RUNX1T1: variants seen among roughly 807,000 people sequenced by gnomAD.
RUNX1T1 encodes protein CBFA2T1.
A neutral mutation model predicts 62.8 loss-of-function variants in RUNX1T1; 4 were observed. The ratio of observed to expected loss-of-function variants is 0.06; its 90% confidence interval spans 0.03 to 0.15. RUNX1T1 has a LOEUF of 0.15. Among genes scored for constraint, RUNX1T1 ranks in the 10% least tolerant of loss-of-function variants. The pLI is 1.00. For synonymous variants in RUNX1T1, 291 were observed against 286.0 expected (o/e 1.02, Z -0.18); for missense variants, 508 against 754.3 (o/e 0.67, Z 3.82).
intron 1 of RUNX1T1, among the ~76,000 whole-genome samples, chr8:92,030,901 C>A (rs761321567): frequency 6.6e-5 from 10 of 152,222 alleles, no homozygotes; most frequent in Non-Finnish European, 7.3e-5. Context: ...GTGTCCATAT[C>A]TCCAAGGAAG....
At chr8:91,958,342 T>G (rs988010670), downstream of RUNX1T1, 1 of 195,392 alleles carries the variant, frequency 5.1e-6, no homozygotes, top group African/African-American at 2.3e-5. Context: ...TTGCTGAACA[T>G]GTTTAACCTG....
chr8:92,042,119 C>G (rs1467798080), intron 1 of RUNX1T1, among the ~76,000 whole-genome samples: 1 of 150,852 alleles, frequency 6.6e-6, no homozygotes, highest in Non-Finnish European at 1.5e-5. Context: ...TGTGCCTGGC[C>G]TGAAGGGGTG....
At chr8:92,021,328 A>G (rs1405544667) in intron 1 of RUNX1T1, among the ~76,000 whole-genome samples, 5 of 152,182 alleles carry the variant, frequency 3.3e-5, no homozygotes, top group African/African-American at 1.2e-4. Context: ...AAATGATGCT[A>G]TGTAGTGACT....
chr8:92,062,520 G>A (rs1316674986), intron 1 of RUNX1T1: 5 of 1,611,358 alleles, frequency 3.1e-6, no homozygotes, highest in Non-Finnish European at 4.2e-6. Flanking sequence ...GAAAAACAGA[G>A]AGAACACAGA....
At position 91,960,142 on chromosome 8, in the gene RUNX1T1, TAAAC is replaced by T. The variant is rs1295718097; in HGVS notation, c.*96_*99del. 44 of 1,245,028 alleles carry T rather than the reference TAAAC, an allele frequency of 3.5e-5. 1 individual carries two copies. The South Asian group carries it at 4.0e-4, about 11-fold the overall frequency. The allele number at this position is 1,245,028 out of a possible 1,614,324, so 77.1% of individuals were successfully genotyped here. ...TACTGAAATAGGATAATTCATCTAA[TAAAC>T]AAACAAACAAAAAAAACAACTTTGA... On this transcript the variant is annotated 3_prime_UTR_variant, in exon 11 of 11. Transcript: ENST00000396218.
chr8:92,079,605 A>C lies in RUNX1T1; in HGVS notation c.-85-3468T>G, dbSNP rs576175009. 7.9e-5 allele frequency among the ~76,000 whole-genome samples: 12 copies of C among 152,258 alleles called. No individual in the cohort carries two copies. The South Asian group carries it at 2.3e-3, about 29-fold the overall frequency. On this transcript the variant is annotated intron_variant, in intron 1 of 11. Coordinates refer to the RUNX1T1 transcript ENST00000265814. ...TTATCCTAGTTTCACAAGCTTCCTT[A>C]AGCTTCCATGCATACACTCATCCAG...
At chr8:92,062,679 T>A in exon 1 of RUNX1T1, 2 of 1,612,978 alleles carry the variant, frequency 1.2e-6, no homozygotes, top group Non-Finnish European at 1.7e-6. Flanking sequence ...TGGGGCGGCA[T>A]CGCCGGAGGC....
intron 1 of RUNX1T1, among the ~76,000 whole-genome samples, chr8:92,086,797 T>C (rs949833045): frequency 1.6e-4 from 25 of 152,222 alleles, no homozygotes; most frequent in African/African-American, 5.8e-4. Flanking sequence ...GTGCTAATTA[T>C]TTTTCCTTTG....
intron 1 of RUNX1T1, among the ~76,000 whole-genome samples, chr8:92,093,573 T>A (rs562095349): frequency 6.6e-6 from 1 of 152,346 alleles, no homozygotes; most frequent in African/African-American, 2.4e-5. Flanking sequence ...GCCTTTTGGC[T>A]AAGATCAAGT....
chr8:92,005,077 A>G, intron 5 of RUNX1T1, 39 bp downstream of exon 6: 1 of 1,538,222 alleles, frequency 6.5e-7, no homozygotes, highest in Non-Finnish European at 8.8e-7. Context: ...AGGTATGGGA[A>G]AAAGGTCATG....
intron 6 of RUNX1T1, among the ~76,000 whole-genome samples, chr8:91,988,893 T>C (rs1256582567): frequency 6.6e-6 from 1 of 152,182 alleles, no homozygotes; most frequent in Non-Finnish European, 1.5e-5. Context: ...TTGTTAGATA[T>C]AATCAAATCT....
At chr8:92,065,803 T>C (rs550686398), upstream of RUNX1T1, among the ~76,000 whole-genome samples, 1 of 152,272 alleles carries the variant, frequency 6.6e-6, no homozygotes, top group African/African-American at 2.4e-5. Flanking sequence ...TTTCCACAGG[T>C]CTTCTCAACT....
At chr8:92,072,429 G>A (rs1833825664) in intron 2 of RUNX1T1, among the ~76,000 whole-genome samples, 1 of 151,964 alleles carries the variant, frequency 6.6e-6, no homozygotes, top group Non-Finnish European at 1.5e-5. Context: ...TAAGAAAGTG[G>A]TATATTTATA....
chr8:92,072,868 T>G (rs1563902367), intron 2 of RUNX1T1, among the ~76,000 whole-genome samples: 2 of 152,208 alleles, frequency 1.3e-5, no homozygotes, highest in Admixed American at 1.3e-4. Flanking sequence ...TATATAAAGG[T>G]GCACAGCATC....
chr8:92,039,568 AATG>A (rs1828050801), intron 1 of RUNX1T1, among the ~76,000 whole-genome samples: 1 of 152,138 alleles, frequency 6.6e-6, no homozygotes, highest in African/African-American at 2.4e-5. Context: ...AGTGACTCCA[AATG>A]ATGATTTTTC....
chr8:92,071,803 A>G (rs1833719575), intron 2 of RUNX1T1, among the ~76,000 whole-genome samples: 1 of 152,166 alleles, frequency 6.6e-6, no homozygotes, highest in Non-Finnish European at 1.5e-5. Context: ...CTGACCCCGA[A>G]GCTGCGGCTC....
chr8:92,054,365 A>G (rs1037210542), intron 1 of RUNX1T1, among the ~76,000 whole-genome samples: 3 of 152,334 alleles, frequency 2.0e-5, no homozygotes, highest in South Asian at 2.1e-4. Flanking sequence ...TGCATCAAGC[A>G]TAACACTTGG....
chr8:91,990,582 T>C (rs546490885), intron 6 of RUNX1T1, among the ~76,000 whole-genome samples: 4 of 152,236 alleles, frequency 2.6e-5, no homozygotes, highest in African/African-American at 7.2e-5. Flanking sequence ...GTTCATCTTC[T>C]CTCTCATTTT....
chr8:92,032,079 C>T (rs543084571), intron 1 of RUNX1T1, among the ~76,000 whole-genome samples: 4 of 115,240 alleles, frequency 3.5e-5, no homozygotes, highest in South Asian at 2.9e-4. Context: ...GGCGGCAGAG[C>T]GAGAATCCTG....
Sources: gnomAD v4.1 joint callset for allele counts (sites outside exome capture counted in the v4.1 genomes callset) on GRCh38, gnomAD v4.1.1 for gene constraint, MANE v1.5 for transcripts, NCBI Gene and HGNC (gene_info 2026-07-23, HGNC 2026-07-21) for gene names.